Variants in FCRL2 observed in about 807,000 individuals in gnomAD.
FCRL2 encodes the protein Fc receptor like 2.
Under a neutral mutation model 59.8 loss-of-function variants are expected in FCRL2, and 48 were observed. That is an observed-to-expected ratio of 0.80 (90% CI 0.64 to 1.02). FCRL2 has a LOEUF of 1.02. Ranked by LOEUF, FCRL2 falls within the 50% of genes least tolerant of loss-of-function variation. The pLI, the probability that FCRL2 is intolerant of heterozygous loss-of-function variation, is 0.00. For synonymous variants in FCRL2, 251 were observed against 229.5 expected, an observed-to-expected ratio of 1.09 and a Z score of -0.85; for missense variants, 658 against 597.3, an observed-to-expected ratio of 1.10 and a Z score of -1.06.
At chr1:157,755,123 A>G (rs141146951) in intron 7 of FCRL2, among the ~76,000 whole-genome samples, 1 of 152,326 alleles carries the variant, frequency 6.6e-6, no homozygotes, top group East Asian at 1.9e-4. Context: ...TAAGAATTTC[A>G]ATATGAAAGG....
Position 157,753,154 on chromosome 1 carries a change from G to T in FCRL2, c.1280-3477C>A, listed in dbSNP as rs181202406. ...TTTTATCCATGACCCTTCTGTTGCC[G>T]TGTGTGTGGGGTTTTTCTTCCCCAT... is the stretch of plus-strand genomic sequence containing the variant. On this transcript the variant is annotated intron_variant, in intron 7 of 11. Transcript: ENST00000361516. 4.2e-3 allele frequency among the ~76,000 whole-genome samples: 646 copies of T among 152,178 alleles called. 3 individuals are homozygous for T. Among genetic ancestry groups the T allele is most frequent in the Non-Finnish European group, 5.1e-3 (350 of 68,008 alleles).
intron 2 of FCRL2, among the ~76,000 whole-genome samples, chr1:157,774,047 T>C (rs1042799327): frequency 2.6e-5 from 4 of 151,746 alleles, no homozygotes; most frequent in Non-Finnish European, 4.4e-5. Context: ...CTGAATAATG[T>C]TTTTTCACAA....
At position 157,746,678 on chromosome 1, in the gene FCRL2, C is replaced by G; in HGVS notation, c.*58G>C. 6.4e-7 allele frequency: 1 copy of G among 1,562,692 alleles called. No individual in the cohort carries two copies. The highest frequency in any genetic ancestry group is 8.8e-7 in the Non-Finnish European group (1 of 1,133,950). On this transcript the variant is annotated 3_prime_UTR_variant, in exon 12 of 12. Coordinates refer to ENST00000361516, the MANE Select transcript of FCRL2 (RefSeq NM_030764.4). ...CAAGCATTTTCATAAGGTTTTATAGCAAGTCTTAATGATGCCCCATCCTTG... is the reference window on the plus strand; with the variant it reads ...CAAGCATTTTCATAAGGTTTTATAGGAAGTCTTAATGATGCCCCATCCTTG...
At chr1:157,773,120 A>C (rs1471898909) in intron 2 of FCRL2, among the ~76,000 whole-genome samples, 2 of 152,128 alleles carry the variant, frequency 1.3e-5, no homozygotes, top group African/African-American at 4.8e-5. Context: ...CCCCTCAGCT[A>C]TGTTTTGGAA....
At chr1:157,757,892 G>A (rs922955031) in intron 7 of FCRL2, among the ~76,000 whole-genome samples, 13 of 152,200 alleles carry the variant, frequency 8.5e-5, no homozygotes, top group African/African-American at 3.1e-4. Context: ...AACCCAGGAG[G>A]CAGAGCTTGC....
At chr1:157,765,754 G>C (rs756399841) in intron 7 of FCRL2, among the ~76,000 whole-genome samples, 10 of 152,178 alleles carry the variant, frequency 6.6e-5, no homozygotes, top group Non-Finnish European at 1.3e-4. Context: ...CTCCCATTTA[G>C]AGGTGAAGTC....
At chr1:157,760,821 G>GAAAGAAATAAAGAAA (rs1649041424) in intron 7 of FCRL2, among the ~76,000 whole-genome samples, 1 of 151,942 alleles carries the variant, frequency 6.6e-6, no homozygotes, top group Non-Finnish European at 1.5e-5. Flanking sequence ...AGGGAAGGAA[G>GAAAGAAATAAAGAAA]GAAGGAAGGG....
chr1:157,768,420 C>A lies in FCRL2; in HGVS notation c.877G>T (p.Val293Leu). The A allele has an allele frequency of 6.2e-7, 1 of 1,613,136 alleles. No homozygotes were observed. The change falls in exon 5 of 12, where the codon GTG becomes TTG. Residue 293 changes from valine (V) to leucine (L), a missense_variant. Val to Leu is a conservative substitution (Grantham distance 32). Coordinates refer to ENST00000361516, the MANE Select transcript of FCRL2 (RefSeq NM_030764.4). ...GAATGAGAGTGTCACTCACTTCTCA[C>A]AGGGATATTCACCACCTTGCTCTGG... is the stretch of plus-strand genomic sequence containing the variant. ...PIQSKVVNIP[V>L]RIPVSRPVLT...
At chr1:157,767,599 G>A in intron 5 of FCRL2, 90 bp from the exon 6 acceptor site, 1 of 1,614,106 alleles carries the variant, frequency 6.2e-7, no homozygotes, top group South Asian at 1.1e-5. Flanking sequence ...AAAGGGCCTG[G>A]CCCCATGGCT....
At chr1:157,770,307 G>C (rs1051933479) in intron 3 of FCRL2, 102 bp downstream of exon 3, 6 of 1,465,762 alleles carry the variant, frequency 4.1e-6, no homozygotes, top group Non-Finnish European at 5.6e-6. Flanking sequence ...AAGCACTCCC[G>C]TCTATATTTA....
In FCRL2 at chr1:157,768,209, A is replaced by G. The variant is rs376729122; in HGVS notation, c.883+205T>C. The stretch of plus-strand genomic sequence containing the variant: ...AGGATTGCAAGAATGCTTATGCTTC[A>G]TAATCGATTACAGCCCTCTTTATAT... On this transcript the variant is annotated intron_variant, in intron 5 of 11. Coordinates refer to ENST00000361516, the MANE Select transcript of FCRL2 (RefSeq NM_030764.4). The G allele has an allele frequency of 7.2e-6, 4 of 556,730 alleles. No homozygotes were observed. The East Asian group carries it at 9.0e-5, about 12-fold the overall frequency. The allele number at this position is 556,730 out of a possible 1,614,324, so 34.5% of individuals were successfully genotyped here.
chr1:157,771,426 G>A (rs180885466), intron 2 of FCRL2, among the ~76,000 whole-genome samples: 9 of 152,272 alleles, frequency 5.9e-5, no homozygotes, highest in East Asian at 3.9e-4. Flanking sequence ...ATCAAGTGGC[G>A]TAGATTATTG....
Position 157,746,402 on chromosome 1 carries a change from C to T in FCRL2, c.*334G>A. 2.8e-6 allele frequency: 1 copy of T among 358,448 alleles called. No individual in the cohort carries two copies. The highest frequency in any genetic ancestry group is 5.1e-6 in the Non-Finnish European group (1 of 194,878). 22.2% of individuals were successfully genotyped at this position (358,448 alleles called of 1,614,324 possible). The stretch of plus-strand genomic sequence containing the variant: ...TAAGTTAATACACCACTATCAAGTC[C>T]TGTTCTCATCACTTCACAGTAGATG... On this transcript the variant is annotated 3_prime_UTR_variant, in exon 12 of 12. Transcript: ENST00000361516.
chr1:157,751,903 C>G (rs534683839), intron 7 of FCRL2, among the ~76,000 whole-genome samples: 1 of 152,170 alleles, frequency 6.6e-6, no homozygotes, highest in East Asian at 1.9e-4. Context: ...CCGAGCAAAC[C>G]TGGAGAGTCA....
chr1:157,772,890 ACT>A (rs1650131381), intron 2 of FCRL2, among the ~76,000 whole-genome samples: 1 of 152,054 alleles, frequency 6.6e-6, no homozygotes, highest in Non-Finnish European at 1.5e-5. Flanking sequence ...TGCCTCTAGA[ACT>A]CTCTCTCACC....
chr1:157,770,917 C>A (rs983326772), intron 2 of FCRL2, among the ~76,000 whole-genome samples: 3 of 152,174 alleles, frequency 2.0e-5, no homozygotes, highest in Non-Finnish European at 4.4e-5. Flanking sequence ...CAATTCTGGA[C>A]GTTGAAAGTC....
chr1:157,773,165 C>G (rs969950731), intron 2 of FCRL2, among the ~76,000 whole-genome samples: 1 of 152,222 alleles, frequency 6.6e-6, no homozygotes, highest in African/African-American at 2.4e-5. Flanking sequence ...AGATCTCTCT[C>G]TTGTTAATTG....
intron 7 of FCRL2, among the ~76,000 whole-genome samples, chr1:157,755,042 G>A (rs760050008): frequency 1.5e-4 from 23 of 151,620 alleles, no homozygotes; most frequent in South Asian, 4.2e-4. Flanking sequence ...TCCAAAATAC[G>A]TTACCAAACC....
At chr1:157,769,003 A>T (rs1195735741) in intron 4 of FCRL2, 1 of 270,706 alleles carries the variant, frequency 3.7e-6, no homozygotes, top group Admixed American at 4.9e-5. Context: ...CCTTTTGCAC[A>T]GAATATAGAG....
Sources: gnomAD v4.1 joint callset for allele counts (sites outside exome capture counted in the v4.1 genomes callset) on GRCh38, gnomAD v4.1.1 for gene constraint, MANE v1.5 for transcripts, NCBI Gene and HGNC (gene_info 2026-07-23, HGNC 2026-07-21) for gene names.